SUMF1: variants seen among roughly 807,000 people sequenced by gnomAD.
SUMF1 encodes the protein sulfatase modifying factor 1, also known as formylglycine-generating enzyme.
SUMF1 carries 48 observed loss-of-function variants against 47.6 expected under a neutral mutation model. The observed-to-expected ratio is 1.01, with a 90% CI of 0.80 to 1.28. The LOEUF (loss-of-function observed/expected upper bound fraction) is 1.28, where lower values mean the gene tolerates loss of function less well. SUMF1 is among the 50% of genes most tolerant of loss of function. SUMF1 has a pLI of 0.00. For missense variants in SUMF1, 571 were observed against 485.4 expected, an observed-to-expected ratio of 1.18 and a Z score of -1.66; for synonymous variants, 230 against 192.1, an observed-to-expected ratio of 1.20 and a Z score of -1.63.
chr3:4,099,110 C>G (rs17039890), intron 8 of SUMF1, among the ~76,000 whole-genome samples: 3,241 of 152,168 alleles, frequency 0.021, 125 homozygotes, highest in African/African-American at 0.073. Context: ...CTGATAACAT[C>G]CAGATAATGG....
chr3:4,449,720 C>T (rs914460817), intron 2 of SUMF1, among the ~76,000 whole-genome samples: 25 of 152,280 alleles, frequency 1.6e-4, no homozygotes, highest in South Asian at 8.3e-4. Flanking sequence ...TCTAGCTAAA[C>T]GAATTAAATA....
Position 4,453,147 on chromosome 3 carries a change from T to C in SUMF1, c.271-98A>G, listed in dbSNP as rs59882739. On this transcript the variant is annotated intron_variant, in intron 1 of 8. Transcript: ENST00000272902. ...AGCACCCAGGAAGCACGCAAGTTTG[T>C]AAATCTTCACCACAGTAATAACTGT... The C allele has an allele frequency of 4.1e-3, 5,112 of 1,245,100 alleles. 169 individuals are homozygous for C. In the African/African-American group the frequency reaches 0.07, roughly 17 times the overall value. 77.1% of individuals were successfully genotyped at this position (1,245,100 alleles called of 1,614,324 possible). A position where few individuals can be genotyped will look rare whatever the true frequency, so the allele number is the denominator to read the frequency against.
chr3:4,355,375 G>C (rs182492619), intron 8 of SUMF1, among the ~76,000 whole-genome samples: 7 of 152,178 alleles, frequency 4.6e-5, no homozygotes, highest in Non-Finnish European at 1.0e-4. Context: ...AAAAATAAAA[G>C]ACAGTGATTG....
intron 8 of SUMF1, chr3:4,316,448 A>G: frequency 6.2e-7 from 1 of 1,602,068 alleles, no homozygotes; most frequent in Non-Finnish European, 8.5e-7. Context: ...AGTTGAGAGC[A>G]ATCATCGAAG....
Position 4,372,886 on chromosome 3 carries a change from AGATATAACCAGACT to A in SUMF1, c.1014+3430_1014+3443del, listed in dbSNP as rs1395208283. Reference sequence around the variant, plus strand: ...CACTATGCTATTTTCCTAACCTTACAGATATAACCAGACTGATGATAAAGACCAACCTAATAAAC... The same window carrying A: ...CACTATGCTATTTTCCTAACCTTACAGATGATAAAGACCAACCTAATAAAC... On this transcript the variant is annotated intron_variant, in intron 8 of 8. Coordinates refer to ENST00000272902, the MANE Select transcript of SUMF1 (RefSeq NM_182760.4). Among the ~76,000 whole-genome samples, 4 of 152,222 alleles carry A rather than the reference AGATATAACCAGACT, an allele frequency of 2.6e-5. No homozygotes were observed. In the East Asian group the frequency reaches 7.7e-4, roughly 29 times the overall value.
intron 4 of SUMF1, among the ~76,000 whole-genome samples, chr3:4,419,070 G>C (rs1701809915): frequency 1.3e-5 from 2 of 152,228 alleles, no homozygotes; most frequent in Admixed American, 1.3e-4. Flanking sequence ...AGACAACAGA[G>C]GTACTCTTCT....
chr3:4,322,415 A>G (rs1156281533), intron 8 of SUMF1, among the ~76,000 whole-genome samples: 1 of 152,076 alleles, frequency 6.6e-6, no homozygotes, highest in African/African-American at 2.4e-5. Flanking sequence ...TGGCTATGGG[A>G]TATATAGGAC....
At chr3:4,134,474 T>C (rs933182688) in intron 8 of SUMF1, among the ~76,000 whole-genome samples, 6 of 152,096 alleles carry the variant, frequency 3.9e-5, no homozygotes, top group Non-Finnish European at 8.8e-5. Flanking sequence ...AAGCAGTGTG[T>C]AGAGGGAAAT....
At chr3:4,296,570 T>C (rs941164223) in intron 8 of SUMF1, among the ~76,000 whole-genome samples, 2 of 152,142 alleles carry the variant, frequency 1.3e-5, no homozygotes, top group Non-Finnish European at 2.9e-5. Flanking sequence ...GCAGGGGAAC[T>C]GCCCTTTTAT....
intron 3 of SUMF1, among the ~76,000 whole-genome samples, chr3:4,445,029 A>G (rs938746340): frequency 1.1e-4 from 17 of 152,176 alleles, no homozygotes; most frequent in African/African-American, 4.1e-4. Context: ...AAAGCTGGGG[A>G]TGGGAATCGG....
At chr3:4,417,710 A>G (rs1701759002) in intron 5 of SUMF1, among the ~76,000 whole-genome samples, 1 of 152,220 alleles carries the variant, frequency 6.6e-6, no homozygotes, top group African/African-American at 2.4e-5. Flanking sequence ...AGAAAATGCT[A>G]AAAGCAGGGC....
intron 4 of SUMF1, 84 bp from the exon 5 acceptor site, chr3:4,418,216 C>T (rs1472498000): frequency 3.8e-6 from 6 of 1,585,412 alleles, no homozygotes; most frequent in Non-Finnish European, 4.3e-6. Flanking sequence ...GCCCATAATC[C>T]CCCTCAGTTC....
intron 7 of SUMF1, among the ~76,000 whole-genome samples, chr3:4,398,928 T>A (rs868784362): frequency 6.6e-6 from 1 of 152,304 alleles, no homozygotes; most frequent in Non-Finnish European, 1.5e-5. Context: ...CAGTAAACAT[T>A]AACAAGTCTG....
chr3:4,052,847 T>A (rs1460479310), intron 9 of SUMF1, among the ~76,000 whole-genome samples: 1 of 152,148 alleles, frequency 6.6e-6, no homozygotes, highest in African/African-American at 2.4e-5. Flanking sequence ...TAAAGAAATG[T>A]TGTATGTGGT....
intron 8 of SUMF1, among the ~76,000 whole-genome samples, chr3:4,127,495 A>C (rs1039544353): frequency 6.6e-6 from 1 of 152,120 alleles, no homozygotes; most frequent in African/African-American, 2.4e-5. Flanking sequence ...AAATGTGAAA[A>C]GAGAGACTAG....
At chr3:4,097,199 C>G (rs1293337703) in intron 8 of SUMF1, among the ~76,000 whole-genome samples, 2 of 152,086 alleles carry the variant, frequency 1.3e-5, no homozygotes, top group African/African-American at 4.8e-5. Context: ...CCTATTCACT[C>G]AATAAGGGTT....
At chr3:4,141,504 G>C (rs762504199) in intron 8 of SUMF1, among the ~76,000 whole-genome samples, 2 of 151,972 alleles carry the variant, frequency 1.3e-5, no homozygotes, top group Non-Finnish European at 2.9e-5. Context: ...TATTCATCAA[G>C]GGTCATTTAA....
chr3:4,205,501 A>C (rs7630606), intron 8 of SUMF1, among the ~76,000 whole-genome samples: 23 of 152,010 alleles, frequency 1.5e-4, no homozygotes, highest in Admixed American at 5.9e-4. Flanking sequence ...TCTGTGCATT[A>C]AAGAGCTAGG....
At chr3:4,249,255 T>C (rs1410711886) in intron 8 of SUMF1, among the ~76,000 whole-genome samples, 1 of 152,214 alleles carries the variant, frequency 6.6e-6, no homozygotes, top group Non-Finnish European at 1.5e-5. Flanking sequence ...CAAAACCAAA[T>C]ATAATATACA....
Sources: allele counts gnomAD v4.1 joint callset (sites outside exome capture counted in the v4.1 genomes callset), GRCh38; gene constraint gnomAD v4.1.1; transcripts MANE v1.5; gene names NCBI Gene and HGNC (gene_info 2026-07-23, HGNC 2026-07-21).